Variants in PTPRD observed in about 807,000 individuals in gnomAD.
PTPRD encodes the protein receptor-type tyrosine-protein phosphatase delta.
Under a neutral mutation model 214.5 loss-of-function variants are expected in PTPRD, and 34 were observed. The ratio of observed to expected loss-of-function variants is 0.16; its 90% confidence interval spans 0.12 to 0.21. The LOEUF (loss-of-function observed/expected upper bound fraction) is 0.21. Ranked by LOEUF, PTPRD falls within the 10% of genes least tolerant of loss-of-function variation. The pLI, the probability that PTPRD is intolerant of heterozygous loss-of-function variation, is 1.00. For synonymous variants in PTPRD, 1,128 were observed against 845.7 expected (o/e 1.33, Z -5.79); for missense variants, 2,545 against 2,398.7 (o/e 1.06, Z -1.27).
intron 39 of PTPRD, 76 bp from the exon 40 acceptor site, chr9:8,342,054 TTCTTATTAAC>T: frequency 1.4e-6 from 2 of 1,389,438 alleles, no homozygotes; most frequent in South Asian, 3.1e-5. Context: ...ATTTTTATTA[TTCTTATTAAC>T]TAGACCTTAC....
intron 37 of PTPRD, among the ~76,000 whole-genome samples, chr9:8,377,784 G>C (rs913010664): frequency 3.9e-5 from 6 of 152,002 alleles, no homozygotes; most frequent in Admixed American, 2.6e-4. Context: ...AGAGACACTA[G>C]AATTTTTTGG....
At chr9:8,795,739 T>TTTG (rs1334111346) in intron 11 of PTPRD, among the ~76,000 whole-genome samples, 1 of 152,186 alleles carries the variant, frequency 6.6e-6, no homozygotes, top group Non-Finnish European at 1.5e-5. Context: ...AAAGTCTTAT[T>TTTG]TATGAAGTGG....
intron 3 of PTPRD, among the ~76,000 whole-genome samples, chr9:10,099,830 T>A (rs983091856): frequency 9.3e-5 from 14 of 151,198 alleles, no homozygotes; most frequent in Non-Finnish European, 1.8e-4. Context: ...ATTAGAAATT[T>A]AAAAAAAAGA....
chr9:9,623,107 A>C (rs943330028), intron 7 of PTPRD, among the ~76,000 whole-genome samples: 1 of 152,242 alleles, frequency 6.6e-6, no homozygotes, highest in South Asian at 2.1e-4. Flanking sequence ...ATCCTTTATT[A>C]CTTGCATATA....
In PTPRD at chr9:8,521,421, C is replaced by T. The variant is rs769639520; in HGVS notation, c.817G>A (p.Ala273Thr). ...PMPYVKWMLG[A>T]EDLTPEDDMP... The stretch of plus-strand genomic sequence containing the variant: ...TCATCTTCAGGTGTCAGATCTTCTG[C>T]CCCCAACATCCACTTTACATAAGGC... Residue 273 changes from alanine to threonine, a missense_variant, in exon 20 of 46, where the codon GCA becomes ACA. By Grantham distance (58) the Ala-to-Thr change is moderately conservative (BLOSUM62 0). Coordinates refer to ENST00000381196, the MANE Select transcript of PTPRD (RefSeq NM_002839.4). 1.3e-5 allele frequency: 21 copies of T among 1,613,854 alleles called. No individual in the cohort carries two copies. The East Asian group carries it at 4.2e-4, about 33-fold the overall frequency.
chr9:9,745,523 G>A (rs1336126308), intron 6 of PTPRD, among the ~76,000 whole-genome samples: 15 of 152,056 alleles, frequency 9.9e-5, no homozygotes, highest in Non-Finnish European at 1.9e-4. Flanking sequence ...CAGGGCAAAT[G>A]AATGTTCCCT....
rs969287481 is a variant in PTPRD, at chr9:10,159,394, G to GA, written c.-544-125605dup. On this transcript the variant is annotated intron_variant, in intron 3 of 45. Transcript: ENST00000381196. ...AATATATCTAAGCAAATATAGTCAGGAAAAAAAAAGCCAGGCAGAGAAGTC... is the reference window on the plus strand; with the variant it reads ...AATATATCTAAGCAAATATAGTCAGGAAAAAAAAAAGCCAGGCAGAGAAGTC... Among the ~76,000 whole-genome samples, 45 of 149,414 alleles carry GA rather than the reference G, an allele frequency of 3.0e-4. 1 individual carries two copies. The highest frequency in any genetic ancestry group is 5.9e-4 in the African/African-American group (24 of 40,830).
At chr9:10,057,640 A>G (rs763803082) in intron 3 of PTPRD, among the ~76,000 whole-genome samples, 39 of 152,096 alleles carry the variant, frequency 2.6e-4, no homozygotes, top group Non-Finnish European at 4.7e-4. Flanking sequence ...GTCAGGAGTT[A>G]CAGACCATCC....
chr9:8,736,031 T>C (rs752222432), intron 11 of PTPRD, among the ~76,000 whole-genome samples: 21 of 151,990 alleles, frequency 1.4e-4, no homozygotes, highest in Non-Finnish European at 2.9e-4. Flanking sequence ...CCATTTAATG[T>C]TTTAGAGCAG....
chr9:8,655,205 C>T (rs1283637236), intron 12 of PTPRD, among the ~76,000 whole-genome samples: 1 of 152,162 alleles, frequency 6.6e-6, no homozygotes, highest in Non-Finnish European at 1.5e-5. Context: ...TGGAAGGTTT[C>T]CTATGTAAGC....
At chr9:9,354,674 A>C (rs1418213111) in intron 9 of PTPRD, among the ~76,000 whole-genome samples, 1 of 151,792 alleles carries the variant, frequency 6.6e-6, no homozygotes, top group Non-Finnish European at 1.5e-5. Flanking sequence ...TTAGGAGGTA[A>C]AAAGTGCTAT....
intron 11 of PTPRD, among the ~76,000 whole-genome samples, chr9:8,953,724 G>A (rs1435411428): frequency 2.0e-5 from 3 of 151,922 alleles, no homozygotes; most frequent in Non-Finnish European, 4.4e-5. Context: ...AGACATACAA[G>A]CAACCCACAA....
chr9:8,956,479 G>C (rs2099132331), intron 11 of PTPRD, among the ~76,000 whole-genome samples: 1 of 151,260 alleles, frequency 6.6e-6, no homozygotes, highest in Non-Finnish European at 1.5e-5. Flanking sequence ...TTTTAACAAA[G>C]AAGAAGCAAA....
At chr9:9,717,067 A>G (rs1595910556) in intron 7 of PTPRD, among the ~76,000 whole-genome samples, 1 of 152,086 alleles carries the variant, frequency 6.6e-6, no homozygotes, top group African/African-American at 2.4e-5. Context: ...CTTTCTCCAT[A>G]TGGCTAGCCA....
intron 10 of PTPRD, among the ~76,000 whole-genome samples, chr9:9,092,362 A>T (rs909063321): frequency 2.0e-5 from 3 of 152,104 alleles, no homozygotes; most frequent in African/African-American, 4.8e-5. Context: ...TTTCTTCTTC[A>T]ACTGATTCAT....
intron 2 of PTPRD, among the ~76,000 whole-genome samples, chr9:10,427,273 T>A (rs1182106552): frequency 6.6e-6 from 1 of 152,140 alleles, no homozygotes; most frequent in Non-Finnish European, 1.5e-5. Flanking sequence ...TCTAGATATC[T>A]TCCAAACAAA....
At chr9:9,169,978 T>C (rs970956119) in intron 10 of PTPRD, among the ~76,000 whole-genome samples, 2 of 152,184 alleles carry the variant, frequency 1.3e-5, no homozygotes, top group African/African-American at 4.8e-5. Context: ...GGGGTTGATA[T>C]TTGTCATTTT....
At chr9:9,612,032 T>A (rs1273109206) in intron 7 of PTPRD, among the ~76,000 whole-genome samples, 1 of 152,126 alleles carries the variant, frequency 6.6e-6, no homozygotes, top group Admixed American at 6.5e-5. Context: ...CAATATATTT[T>A]AAATTTTCAG....
intron 7 of PTPRD, among the ~76,000 whole-genome samples, chr9:9,733,546 G>A (rs553938267): frequency 1.3e-5 from 2 of 152,152 alleles, no homozygotes; most frequent in East Asian, 1.9e-4. Context: ...AATCCTGAAA[G>A]CATTTGGTTT....
Sources: allele counts gnomAD v4.1 joint callset (sites outside exome capture counted in the v4.1 genomes callset), GRCh38; gene constraint gnomAD v4.1.1; transcripts MANE v1.5; gene names NCBI Gene and HGNC (gene_info 2026-07-23, HGNC 2026-07-21).